ENOX1: variants seen among roughly 807,000 people sequenced by gnomAD.
ENOX1 encodes the protein ecto-NOX disulfide-thiol exchanger 1, also known as candidate growth-related and time keeping constitutive hydroquinone (NADH) oxidase.
In ENOX1, 42 loss-of-function variants were observed where a neutral mutation model predicts 82.5. That is an observed-to-expected ratio of 0.51 (90% CI 0.40 to 0.66). The LOEUF (loss-of-function observed/expected upper bound fraction) is 0.66, where lower values mean the gene tolerates loss of function less well. Ranked by LOEUF, ENOX1 falls within the 30% of genes least tolerant of loss-of-function variation. The pLI is 0.00. For missense variants in ENOX1, 608 were observed against 811.6 expected (o/e 0.75, Z 3.05); for synonymous variants, 271 against 282.2 (o/e 0.96, Z 0.40).
At chr13:43,445,345 G>C (rs912752875) in intron 3 of ENOX1, among the ~76,000 whole-genome samples, 44 of 152,030 alleles carry the variant, frequency 2.9e-4, no homozygotes, top group Admixed American at 1.5e-3. Flanking sequence ...GGATGGTCTT[G>C]ATCTCCTGAC....
At chr13:43,765,796 C>T (rs1365787573) in intron 1 of ENOX1, among the ~76,000 whole-genome samples, 3 of 151,994 alleles carry the variant, frequency 2.0e-5, no homozygotes, top group Non-Finnish European at 2.9e-5. Flanking sequence ...TCATAGTGAT[C>T]CAAAGATGCA....
chr13:43,741,274 G>A (rs1002819765), intron 1 of ENOX1, among the ~76,000 whole-genome samples: 4 of 151,998 alleles, frequency 2.6e-5, no homozygotes, highest in Non-Finnish European at 5.9e-5. Context: ...CAGTAGAGAC[G>A]GGGTTTCACC....
intron 6 of ENOX1, 51 bp downstream of exon 6, chr13:43,361,227 TA>T (rs1435610240): frequency 4.4e-6 from 7 of 1,588,666 alleles, no homozygotes; most frequent in Middle Eastern, 1.7e-4. Flanking sequence ...TTTTAAAATT[TA>T]AAAAGAAAAA....
intron 3 of ENOX1, among the ~76,000 whole-genome samples, chr13:43,449,837 G>GC (rs1298658567): frequency 6.6e-6 from 1 of 152,144 alleles, no homozygotes; most frequent in Non-Finnish European, 1.5e-5. Context: ...AAGGGAAGCT[G>GC]CTTGGTAACA....
At chr13:43,619,725 A>C (rs761325330) in intron 2 of ENOX1, among the ~76,000 whole-genome samples, 6 of 151,722 alleles carry the variant, frequency 4.0e-5, no homozygotes, top group Non-Finnish European at 7.4e-5. Flanking sequence ...TTTTGGCTAT[A>C]TTCTTTCTTG....
Position 43,252,056 on chromosome 13 carries a change from A to G in ENOX1, c.1611+13342T>C, listed in dbSNP as rs529997445. ...TCCCATAGTTTCAAGTCATCTTCCT[A>G]AAAGTTGGCATGGAAAGAAATTGCC... On this transcript the variant is annotated intron_variant, in intron 14 of 16. Coordinates refer to ENST00000690772, the MANE Select transcript of ENOX1 (RefSeq NM_001347969.2). Among the ~76,000 whole-genome samples the G allele has an allele frequency of 2.0e-4, 30 of 152,330 alleles. No individual in the cohort carries two copies. In the South Asian group the frequency reaches 5.2e-3, roughly 26 times the overall value.
intron 2 of ENOX1, among the ~76,000 whole-genome samples, chr13:43,613,047 T>A (rs1358724339): frequency 6.6e-6 from 1 of 152,182 alleles, no homozygotes; most frequent in Non-Finnish European, 1.5e-5. Flanking sequence ...ATTGTATACA[T>A]TTTTTTAAAA....
At chr13:43,689,614 ATG>A (rs1372039528) in intron 1 of ENOX1, among the ~76,000 whole-genome samples, 1 of 152,242 alleles carries the variant, frequency 6.6e-6, no homozygotes, top group Non-Finnish European at 1.5e-5. Flanking sequence ...CTTTAGGGCT[ATG>A]TGTCATAATA....
chr13:43,578,545 T>C (rs549976831), intron 2 of ENOX1, among the ~76,000 whole-genome samples: 1 of 152,218 alleles, frequency 6.6e-6, no homozygotes, highest in African/African-American at 2.4e-5. Flanking sequence ...ATGTGTTATC[T>C]TCTCAGAAAG....
chr13:43,745,867 C>T (rs1949993991), intron 1 of ENOX1, among the ~76,000 whole-genome samples: 1 of 152,148 alleles, frequency 6.6e-6, no homozygotes, highest in Admixed American at 6.6e-5. Flanking sequence ...CTTCTCCTTG[C>T]TGCTGCCATG....
At chr13:43,603,078 T>A (rs553997434) in intron 2 of ENOX1, among the ~76,000 whole-genome samples, 1 of 152,214 alleles carries the variant, frequency 6.6e-6, no homozygotes, top group Admixed American at 6.5e-5. Flanking sequence ...ATAATGAAGA[T>A]GATGGAAATC....
At chr13:43,459,040 A>G (rs529026530) in intron 3 of ENOX1, 2 of 152,350 alleles carry the variant, frequency 1.3e-5, no homozygotes, top group East Asian at 1.9e-4. Flanking sequence ...GTTTTAAGGA[A>G]GAAAAGAACA....
intron 1 of ENOX1, among the ~76,000 whole-genome samples, chr13:43,715,431 C>T (rs1336919741): frequency 6.6e-6 from 1 of 151,808 alleles, no homozygotes; most frequent in Admixed American, 6.6e-5. Flanking sequence ...ATCTTTGTGG[C>T]TCTTCTCGGA....
At chr13:43,643,963 T>C (rs1386856584) in intron 2 of ENOX1, among the ~76,000 whole-genome samples, 1 of 152,212 alleles carries the variant, frequency 6.6e-6, no homozygotes, top group African/African-American at 2.4e-5. Context: ...TCCATTCCTA[T>C]CGCAAAGCTT....
At chr13:43,702,089 T>C (rs1032561922) in intron 1 of ENOX1, among the ~76,000 whole-genome samples, 2 of 152,222 alleles carry the variant, frequency 1.3e-5, no homozygotes, top group African/African-American at 4.8e-5. Flanking sequence ...AATGGAATTA[T>C]ACACTATGAA....
In ENOX1 at chr13:43,213,544, C is replaced by CTTTTTTTTT. The variant is rs3043205; in HGVS notation, c.*437_*445dup. On this transcript the variant is annotated 3_prime_UTR_variant, in exon 17 of 17. Transcript: ENST00000690772. The stretch of plus-strand genomic sequence containing the variant: ...TTTTTCTTTTTTTCTTTTTCTTTTT[C>CTTTTTTTTT]TTTTTTTTTTTTTTTTTTTTTTTAC... 6.0e-5 allele frequency: 5 copies of CTTTTTTTTT among 84,000 alleles called. No individual in the cohort carries two copies. The highest frequency in any genetic ancestry group is 1.4e-4 in the Admixed American group (1 of 7,144). 5.2% of individuals were successfully genotyped at this position (84,000 alleles called of 1,614,324 possible).
intron 5 of ENOX1, among the ~76,000 whole-genome samples, chr13:43,409,441 G>T (rs539323720): frequency 1.8e-4 from 27 of 152,060 alleles, no homozygotes; most frequent in Non-Finnish European, 3.1e-4. Context: ...GAGAAAGAAA[G>T]AAATAAGAAC....
chr13:43,217,174 C>T (rs1446803127), intron 16 of ENOX1, among the ~76,000 whole-genome samples: 2 of 152,184 alleles, frequency 1.3e-5, no homozygotes, highest in Non-Finnish European at 2.9e-5. Context: ...TCCTCTTGGT[C>T]ACTGCCTCTC....
chr13:43,549,710 C>A (rs2079110276), intron 2 of ENOX1, among the ~76,000 whole-genome samples: 1 of 152,192 alleles, frequency 6.6e-6, no homozygotes, highest in African/African-American at 2.4e-5. Context: ...TATATATGCT[C>A]TGAGCCTAAT....
Sources: allele counts gnomAD v4.1 joint callset (sites outside exome capture counted in the v4.1 genomes callset), GRCh38; gene constraint gnomAD v4.1.1; transcripts MANE v1.5; gene names NCBI Gene and HGNC (gene_info 2026-07-23, HGNC 2026-07-21).